Variants in B3GAT2 observed in about 807,000 individuals in gnomAD.
B3GAT2 encodes beta-1,3-glucuronyltransferase 2.
B3GAT2 carries 26 observed loss-of-function variants against 27.8 expected under a neutral mutation model. That is an observed-to-expected ratio of 0.93 (90% CI 0.68 to 1.30). The LOEUF is 1.30. B3GAT2 is among the 50% of genes most tolerant of loss of function. The probability of loss-of-function intolerance (pLI) is 0.00; values close to 1 mark genes in which losing one functional copy is unlikely to be tolerated. For missense variants in B3GAT2, 458 were observed against 459.0 expected (o/e 1.00, Z 0.02); for synonymous variants, 218 against 195.1 (o/e 1.12, Z -0.98).
intron 2 of B3GAT2, among the ~76,000 whole-genome samples, chr6:70,863,261 A>T (rs748071046): frequency 7.9e-5 from 12 of 152,210 alleles, no homozygotes; most frequent in Non-Finnish European, 1.6e-4. Context: ...GCAAAGTAAT[A>T]CTAAATGATA....
At chr6:70,899,968 T>G (rs956016565) in intron 1 of B3GAT2, among the ~76,000 whole-genome samples, 2 of 152,204 alleles carry the variant, frequency 1.3e-5, no homozygotes, top group Non-Finnish European at 2.9e-5. Flanking sequence ...CAATCTCAGG[T>G]GTCTGGTGTG....
At chr6:70,929,032 A>C (rs912998288) in intron 1 of B3GAT2, among the ~76,000 whole-genome samples, 1 of 152,208 alleles carries the variant, frequency 6.6e-6, no homozygotes, top group African/African-American at 2.4e-5. Context: ...ATGCAGCCAT[A>C]AAAAAGGATG....
In B3GAT2 at chr6:70,860,185, T is replaced by TTATATGTTTC. The variant is rs1771650696; in HGVS notation, c.*1468_*1477dup. The TTATATGTTTC allele has an allele frequency of 1.9e-6, 3 of 1,598,346 alleles. No individual in the cohort carries two copies. The highest frequency in any genetic ancestry group is 2.6e-6 in the Non-Finnish European group (3 of 1,173,902). ...AAGTAAGCCTCTTGAACTAAGCCTT[T>TTATATGTTTC]TATATGTTTCACAGATGAATCAGCA... is the stretch of plus-strand genomic sequence containing the variant. On this transcript the variant is annotated 3_prime_UTR_variant, in exon 4 of 4. Transcript: ENST00000230053.
Position 70,945,758 on chromosome 6 carries a change from G to A in B3GAT2, c.591+10081C>T, listed in dbSNP as rs1315571988. ...TACTCCTCGAGAAGAGCAACTCCAA[G>A]ACACATAATTGTCAGATTCACCAAA... On this transcript the variant is annotated intron_variant, in intron 1 of 3. Coordinates refer to ENST00000230053, the MANE Select transcript of B3GAT2 (RefSeq NM_080742.3). Among the ~76,000 whole-genome samples, 4 of 149,482 alleles carry A rather than the reference G, an allele frequency of 2.7e-5. No homozygotes were observed. The Admixed American group carries it at 2.7e-4, about 10-fold the overall frequency.
chr6:70,888,900 G>A (rs912125039), intron 2 of B3GAT2, among the ~76,000 whole-genome samples: 1 of 152,140 alleles, frequency 6.6e-6, no homozygotes, highest in African/African-American at 2.4e-5. Flanking sequence ...CTCCCCCAGT[G>A]GCTGTGGTTT....
chr6:70,861,800 G>A (rs377368231), intron 3 of B3GAT2, 30 bp downstream of exon 3: 25 of 1,614,012 alleles, frequency 1.5e-5, no homozygotes, highest in South Asian at 1.1e-4. Context: ...GGTGACACTC[G>A]AGGTCGGGCA....
At chr6:70,897,576 T>A (rs1772409619) in intron 1 of B3GAT2, among the ~76,000 whole-genome samples, 1 of 150,890 alleles carries the variant, frequency 6.6e-6, no homozygotes, top group South Asian at 2.1e-4. Flanking sequence ...CCGTCTCTAC[T>A]AAAAATACAA....
intron 1 of B3GAT2, among the ~76,000 whole-genome samples, chr6:70,927,339 A>G (rs2150044260): frequency 6.6e-6 from 1 of 152,358 alleles, no homozygotes; most frequent in Non-Finnish European, 1.5e-5. Context: ...TTAACCTTCA[A>G]TGTAAATGGG....
At position 70,956,342 on chromosome 6, in the gene B3GAT2, G is replaced by T. The variant is rs772803317; in HGVS notation, c.88C>A (p.Pro30Thr). Residue 30 changes from proline to threonine, a missense_variant, in exon 1 of 4, where the codon CCA (proline) becomes ACA (threonine). Transcript: ENST00000230053. ...GGGCGCGGGGTGAGCGGGGGCACTG[G>T]CCTGCGCGTGTCCACGTCGAGCATG... ...IIMLDVDTRRPVPPLTPRPYF... is the reference protein window; with the variant it reads ...IIMLDVDTRRTVPPLTPRPYF... 6 of 1,572,238 alleles carry T rather than the reference G, an allele frequency of 3.8e-6. No individual in the cohort carries two copies. In the South Asian group the frequency reaches 6.9e-5, roughly 18 times the overall value.
chr6:70,955,468 C>T (rs1765639355), intron 1 of B3GAT2, among the ~76,000 whole-genome samples: 1 of 142,362 alleles, frequency 7.0e-6, no homozygotes, highest in Admixed American at 7.1e-5. Flanking sequence ...TCCCTGATCT[C>T]CTATCGCAGC....
intron 1 of B3GAT2, among the ~76,000 whole-genome samples, chr6:70,936,629 T>G (rs1765285073): frequency 6.6e-6 from 1 of 151,994 alleles, no homozygotes; most frequent in Non-Finnish European, 1.5e-5. Flanking sequence ...ACATGGAAAC[T>G]GAACAACCTG....
chr6:70,955,754 G>C (rs1235323516), intron 1 of B3GAT2, 85 bp downstream of exon 1: 8 of 1,410,134 alleles, frequency 5.7e-6, no homozygotes, highest in Non-Finnish European at 7.5e-6. Flanking sequence ...TGCACCCGGA[G>C]TGCAAGGGGC....
Position 70,858,282 on chromosome 6 carries a change from TA to T in B3GAT2, c.*3380del. The T allele has an allele frequency of 4.4e-6, 3 of 687,402 alleles. No individual in the cohort carries two copies. Among genetic ancestry groups the T allele is most frequent in the East Asian group, 4.0e-5 (1 of 25,264 alleles). 42.6% of individuals were successfully genotyped at this position (687,402 alleles called of 1,614,324 possible). A position where few individuals can be genotyped will look rare whatever the true frequency, so the allele number is the denominator to read the frequency against. On this transcript the variant is annotated 3_prime_UTR_variant, in exon 4 of 4. Coordinates refer to ENST00000230053, the MANE Select transcript of B3GAT2 (RefSeq NM_080742.3). Reference sequence around the variant, plus strand: ...CCCAAATCAAACCAGATTTATTTTCTAAATCTTTTTTTTTTTTTTTTTTTTT... The same window carrying T: ...CCCAAATCAAACCAGATTTATTTTCTAATCTTTTTTTTTTTTTTTTTTTTT...
chr6:70,866,452 T>A (rs936327498), intron 2 of B3GAT2, among the ~76,000 whole-genome samples: 2 of 152,208 alleles, frequency 1.3e-5, no homozygotes, highest in Non-Finnish European at 2.9e-5. Flanking sequence ...GTTGTGTGTA[T>A]ACATATATGT....
At chr6:70,929,692 A>C (rs1773028175) in intron 1 of B3GAT2, among the ~76,000 whole-genome samples, 1 of 152,220 alleles carries the variant, frequency 6.6e-6, no homozygotes, top group Admixed American at 6.5e-5. Context: ...ATGAAATAAA[A>C]GAGGACAAAC....
chr6:70,926,171 G>A (rs1772953624), intron 1 of B3GAT2, among the ~76,000 whole-genome samples: 2 of 152,112 alleles, frequency 1.3e-5, no homozygotes, highest in South Asian at 4.2e-4. Flanking sequence ...CCCATCTGTA[G>A]GTCACCATCA....
At chr6:70,934,050 G>C (rs114088409) in intron 1 of B3GAT2, among the ~76,000 whole-genome samples, 1 of 152,158 alleles carries the variant, frequency 6.6e-6, no homozygotes, top group African/African-American at 2.4e-5. Context: ...GACCCAGAAC[G>C]CAGTAAAAAA....
chr6:70,864,208 G>A (rs752582127), intron 2 of B3GAT2, among the ~76,000 whole-genome samples: 1 of 151,888 alleles, frequency 6.6e-6, no homozygotes, highest in Non-Finnish European at 1.5e-5. Flanking sequence ...ATTGTGCAGA[G>A]GTGATTTCTG....
intron 1 of B3GAT2, among the ~76,000 whole-genome samples, chr6:70,946,092 C>A (rs1004387236): frequency 5.9e-5 from 9 of 152,040 alleles, no homozygotes; most frequent in East Asian, 3.9e-4. Context: ...TGGAAAGGCA[C>A]AACCGGTACC....
Sources: allele counts gnomAD v4.1 joint callset (sites outside exome capture counted in the v4.1 genomes callset), GRCh38; gene constraint gnomAD v4.1.1; transcripts MANE v1.5; gene names NCBI Gene and HGNC (gene_info 2026-07-23, HGNC 2026-07-21).